NIPBL: variants seen among roughly 807,000 people sequenced by gnomAD.
NIPBL encodes NIPBL cohesin loading factor.
NIPBL carries 19 observed loss-of-function variants against 321.8 expected under a neutral mutation model. The ratio of observed to expected loss-of-function variants is 0.06; its 90% CI spans 0.04 to 0.09. The LOEUF is 0.09. Among genes scored for constraint, NIPBL ranks in the 10% least tolerant of loss-of-function variants. The pLI, the probability that NIPBL is intolerant of heterozygous loss-of-function variation, is 1.00. For synonymous variants in NIPBL, 1,106 were observed against 1,114.1 expected, an observed-to-expected ratio of 0.99 and a Z score of 0.14; for missense variants, 2,210 against 3,327.0, an observed-to-expected ratio of 0.66 and a Z score of 8.26.
chr5:37,023,748 T>C (rs74898826), intron 29 of NIPBL, among the ~76,000 whole-genome samples: 14 of 148,566 alleles, frequency 9.4e-5, no homozygotes, highest in African/African-American at 3.2e-4. Context: ...TATTTTCTTA[T>C]TCTTTTTTTT....
chr5:36,884,203 C>G (rs1745715014), intron 1 of NIPBL, among the ~76,000 whole-genome samples: 1 of 151,928 alleles, frequency 6.6e-6, no homozygotes, highest in African/African-American at 2.4e-5. Context: ...TCATCTCCCC[C>G]AAAGCAAATT....
At chr5:37,018,265 T>C (rs1749215901) in intron 24 of NIPBL, among the ~76,000 whole-genome samples, 1 of 152,172 alleles carries the variant, frequency 6.6e-6, no homozygotes, top group Admixed American at 6.5e-5. Flanking sequence ...TAAATATCTA[T>C]AGTACAATTA....
At chr5:37,002,880 C>T in intron 15 of NIPBL, 115 bp downstream of exon 15, 1 of 679,222 alleles carries the variant, frequency 1.5e-6, no homozygotes. Context: ...AAAGAAAACT[C>T]ATTGTTGACT....
chr5:37,042,366 C>T (rs762439232), intron 34 of NIPBL, among the ~76,000 whole-genome samples: 7 of 151,984 alleles, frequency 4.6e-5, no homozygotes, highest in African/African-American at 9.7e-5. Flanking sequence ...ACCTTGGAGG[C>T]GGAGGTTGCA....
rs780317958 is a variant in NIPBL at position 36,985,934 on chromosome 5, C to T, written c.2754C>T (p.Asp918=). 118 of 1,613,682 alleles carry T rather than the reference C, an allele frequency of 7.3e-5. No individual in the cohort carries two copies. The highest frequency in any genetic ancestry group is 1.0e-4 in the Non-Finnish European group (118 of 1,179,932). Residue 918 remains aspartate (D), a synonymous_variant, in exon 10 of 47, where the codon GAC becomes GAT. Transcript: ENST00000282516. ...TTAAATCACCAACTAGTAAAGATGA[C>T]AAAAGGACAGAGGGTAACAAGAGTA... ...LGFKSPTSKD[D]KRTEGNKSKV...
chr5:37,009,250 AAAAC>A (rs1402694867), intron 20 of NIPBL, among the ~76,000 whole-genome samples: 3 of 152,142 alleles, frequency 2.0e-5, no homozygotes, highest in Non-Finnish European at 4.4e-5. Context: ...AAAAAAATAA[AAAAC>A]AGAAAGATTA....
chr5:36,879,799 A>G (rs1441488753), intron 1 of NIPBL, among the ~76,000 whole-genome samples: 2 of 152,134 alleles, frequency 1.3e-5, no homozygotes, highest in East Asian at 1.9e-4. Context: ...AGAGTTGTCA[A>G]TAACTTTTGT....
intron 15 of NIPBL, among the ~76,000 whole-genome samples, 157 bp from the exon 16 acceptor site, chr5:37,003,104 T>C (rs1747011387): frequency 6.6e-6 from 1 of 152,064 alleles, no homozygotes; most frequent in South Asian, 2.1e-4. Context: ...TTTAGGGTCG[T>C]TGAGTAGAAG....
rs552400682 is a variant in NIPBL, at chr5:37,031,638, A to G, written c.5862+4226A>G. On this transcript the variant is annotated intron_variant, in intron 32 of 46. Coordinates refer to ENST00000282516, the MANE Select transcript of NIPBL (RefSeq NM_133433.4). Reference sequence around the variant, plus strand: ...AAAACAGTTAAGAGTAACCTGTTTCATCTCTTCCTGTCCTTTGTAATCCAG... The same window carrying G: ...AAAACAGTTAAGAGTAACCTGTTTCGTCTCTTCCTGTCCTTTGTAATCCAG... 1.1e-4 allele frequency among the ~76,000 whole-genome samples: 16 copies of G among 152,348 alleles called. No homozygotes were observed. The East Asian group carries it at 3.1e-3, about 29-fold the overall frequency.
In NIPBL at chr5:36,976,209, G is replaced by T. The variant is rs769279620; in HGVS notation, c.1302G>T (p.Val434=). The change falls in exon 9 of 47, where the codon GTG becomes GTT. Residue 434 remains valine, a synonymous_variant. Transcript: ENST00000282516. ...EQTAFLPANQ[V]PVLQQNTSVA... Reference sequence around the variant, plus strand: ...CAGCATTCCTTCCAGCAAATCAAGTGCCTGTTTTACAACAGAACACTTCAG... The same window carrying T: ...CAGCATTCCTTCCAGCAAATCAAGTTCCTGTTTTACAACAGAACACTTCAG... 1.2e-6 allele frequency: 2 copies of T among 1,613,120 alleles called. No homozygotes were observed. The highest frequency in any genetic ancestry group is 1.1e-5 in the South Asian group (1 of 90,926).
chr5:36,979,607 GA>G (rs1249732475), intron 9 of NIPBL, among the ~76,000 whole-genome samples: 1 of 151,614 alleles, frequency 6.6e-6, no homozygotes, highest in Non-Finnish European at 1.5e-5. Context: ...CTCTGGGTAG[GA>G]CTTCTGGAAT....
At chr5:37,013,046 C>CA (rs555560861) in intron 21 of NIPBL, among the ~76,000 whole-genome samples, 2 of 144,538 alleles carry the variant, frequency 1.4e-5, no homozygotes, top group Admixed American at 6.9e-5. Flanking sequence ...GGGGGCTGAC[C>CA]CCCCCCCACC....
At chr5:36,966,589 T>C (rs909084822) in intron 6 of NIPBL, among the ~76,000 whole-genome samples, 1 of 152,106 alleles carries the variant, frequency 6.6e-6, no homozygotes, top group Non-Finnish European at 1.5e-5. Context: ...TTTGAGATCA[T>C]GTAAATATAC....
chr5:37,057,105 T>A, intron 42 of NIPBL, 81 bp from the exon 43 acceptor site: 2 of 1,438,784 alleles, frequency 1.4e-6, no homozygotes, highest in Non-Finnish European at 1.9e-6. Flanking sequence ...GAAAGTGCCC[T>A]GTATTTTTTC....
intron 9 of NIPBL, among the ~76,000 whole-genome samples, chr5:36,982,696 C>G (rs557509639): frequency 6.6e-6 from 1 of 151,500 alleles, no homozygotes; most frequent in Non-Finnish European, 1.5e-5. Flanking sequence ...ATTTTAATGT[C>G]TTTACGTAAA....
chr5:36,925,466 A>G (rs181902653), intron 1 of NIPBL, among the ~76,000 whole-genome samples: 2 of 151,940 alleles, frequency 1.3e-5, no homozygotes, highest in Non-Finnish European at 2.9e-5. Context: ...GGGTTTCACC[A>G]TGTTTGCCAG....
intron 9 of NIPBL, among the ~76,000 whole-genome samples, chr5:36,981,001 C>G (rs1055178917): frequency 4.0e-5 from 6 of 151,592 alleles, no homozygotes; most frequent in Non-Finnish European, 8.9e-5. Context: ...TTTTAGAGCC[C>G]TTAAGAGATG....
At chr5:36,999,947 C>T (rs997351678) in intron 11 of NIPBL, among the ~76,000 whole-genome samples, 8 of 152,132 alleles carry the variant, frequency 5.3e-5, no homozygotes, top group African/African-American at 1.4e-4. Context: ...TTGACTTTTC[C>T]TCCAAACCCT....
At chr5:36,893,628 T>C (rs1308886660) in intron 1 of NIPBL, among the ~76,000 whole-genome samples, 1 of 152,156 alleles carries the variant, frequency 6.6e-6, no homozygotes, top group Non-Finnish European at 1.5e-5. Flanking sequence ...ATACTAGATA[T>C]TTGATATGGA....
Sources: allele counts gnomAD v4.1 joint callset (sites outside exome capture counted in the v4.1 genomes callset), GRCh38; gene constraint gnomAD v4.1.1; transcripts MANE v1.5; gene names NCBI Gene and HGNC (gene_info 2026-07-23, HGNC 2026-07-21).